RELCH: variants seen among roughly 807,000 people sequenced by gnomAD.
The protein encoded by RELCH is RAB11-binding protein RELCH.
RELCH carries 41 observed loss-of-function variants against 150.3 expected under a neutral mutation model. The ratio of observed to expected loss-of-function variants is 0.27; its 90% CI spans 0.21 to 0.35. The LOEUF (loss-of-function observed/expected upper bound fraction) is 0.35, where lower values mean the gene tolerates loss of function less well. Ranked by LOEUF, RELCH falls within the 10% of genes least tolerant of loss-of-function variation. The pLI is 1.00. For missense variants in RELCH, 1,092 were observed against 1,467.8 expected (o/e 0.74, Z 4.18); for synonymous variants, 478 against 531.8 (o/e 0.90, Z 1.39).
chr18:62,190,115 C>T (rs987313189), intron 1 of RELCH, among the ~76,000 whole-genome samples: 8 of 152,162 alleles, frequency 5.3e-5, no homozygotes, highest in Non-Finnish European at 1.0e-4. Context: ...CTTTTCTGTG[C>T]ATGTGTTTTA....
chr18:62,196,082 A>C (rs1465590260), intron 1 of RELCH, among the ~76,000 whole-genome samples: 2 of 152,134 alleles, frequency 1.3e-5, no homozygotes, highest in African/African-American at 4.8e-5. Context: ...CTTTCTTAGC[A>C]TCGCCAACAC....
At chr18:62,208,314 G>A (rs1299468311) in intron 1 of RELCH, among the ~76,000 whole-genome samples, 1 of 147,294 alleles carries the variant, frequency 6.8e-6, no homozygotes, top group Non-Finnish European at 1.5e-5. Context: ...TTCTTCCATT[G>A]TGTAGATTGT....
At chr18:62,240,408 C>CTTTTTTTTTTTTTTTTT (rs199932427) in intron 10 of RELCH, among the ~76,000 whole-genome samples, 2 of 139,568 alleles carry the variant, frequency 1.4e-5, no homozygotes, top group African/African-American at 2.6e-5. Flanking sequence ...TTTTTTTTTT[C>CTTTTTTTTTTTTTTTTT]TTTTTCTTTT....
intron 2 of RELCH, among the ~76,000 whole-genome samples, chr18:62,214,647 G>C (rs988604368): frequency 1.3e-5 from 2 of 152,060 alleles, no homozygotes; most frequent in African/African-American, 4.8e-5. Context: ...CTAGGTGCAG[G>C]CTGCCATGAC....
At chr18:62,235,748 G>A (rs2041845997) in intron 10 of RELCH, among the ~76,000 whole-genome samples, 1 of 151,862 alleles carries the variant, frequency 6.6e-6, no homozygotes, top group Non-Finnish European at 1.5e-5. Context: ...TTTCAAGAAG[G>A]GAAAGGTTTA....
At chr18:62,248,362 A>T (rs949139796) in intron 11 of RELCH, among the ~76,000 whole-genome samples, 2 of 152,180 alleles carry the variant, frequency 1.3e-5, no homozygotes, top group African/African-American at 4.8e-5. Flanking sequence ...CTCCCTCAAC[A>T]GTTAAATCCC....
At chr18:62,208,071 T>C (rs1320153434) in intron 1 of RELCH, among the ~76,000 whole-genome samples, 1 of 152,192 alleles carries the variant, frequency 6.6e-6, no homozygotes, top group African/African-American at 2.4e-5. Context: ...ACCATCTCTT[T>C]TACTACAACC....
At chr18:62,218,823 A>G (rs1275736792) in intron 2 of RELCH, among the ~76,000 whole-genome samples, 1 of 151,984 alleles carries the variant, frequency 6.6e-6, no homozygotes, top group African/African-American at 2.4e-5. Context: ...AGGAAGGATT[A>G]CAATATTTGA....
intron 27 of RELCH, among the ~76,000 whole-genome samples, chr18:62,298,452 G>T (rs1157763253): frequency 1.3e-5 from 2 of 152,160 alleles, no homozygotes; most frequent in African/African-American, 4.8e-5. Flanking sequence ...AAATATGTGT[G>T]TGACCATAGT....
At chr18:62,191,269 T>G (rs1455012409) in intron 1 of RELCH, among the ~76,000 whole-genome samples, 3 of 152,240 alleles carry the variant, frequency 2.0e-5, no homozygotes, top group Non-Finnish European at 2.9e-5. Context: ...TTGGTATTTT[T>G]GGGCTTTTTA....
At chr18:62,235,103 A>G (rs1220615834) in intron 10 of RELCH, 5 of 152,032 alleles carry the variant, frequency 3.3e-5, no homozygotes, top group Non-Finnish European at 5.9e-5. Flanking sequence ...AACATTTGTT[A>G]TATATATTTA....
At chr18:62,211,335 T>A in intron 2 of RELCH, 93 bp downstream of exon 2, 1 of 755,766 alleles carries the variant, frequency 1.3e-6, no homozygotes, top group Non-Finnish European at 2.3e-6. Flanking sequence ...CAGTTTGGTA[T>A]GTGACTATAA....
intron 19 of RELCH, among the ~76,000 whole-genome samples, chr18:62,267,455 TATAGAATATATATATAGTCTAG>T (rs1344926936): frequency 1.4e-4 from 21 of 148,654 alleles, no homozygotes; most frequent in South Asian, 8.6e-4. Context: ...TGTGTGTGTG[TATAGAATATATATATAGTCTAG>T]GTATATATGT....
chr18:62,242,996 C>G (rs954536474), intron 10 of RELCH, among the ~76,000 whole-genome samples: 2 of 152,036 alleles, frequency 1.3e-5, no homozygotes, highest in Non-Finnish European at 2.9e-5. Context: ...GAAACAAGAT[C>G]TGACATGAAG....
chr18:62,215,970 A>G (rs1310951656), intron 2 of RELCH, among the ~76,000 whole-genome samples: 5 of 152,180 alleles, frequency 3.3e-5, no homozygotes, highest in African/African-American at 9.6e-5. Flanking sequence ...ACATTTTTAT[A>G]TAAAATGATT....
intron 28 of RELCH, among the ~76,000 whole-genome samples, chr18:62,299,138 A>G (rs1054294791): frequency 2.0e-5 from 3 of 152,218 alleles, no homozygotes; most frequent in African/African-American, 7.2e-5. Flanking sequence ...AAAGCTTCCA[A>G]CAAAATTCTT....
At chr18:62,211,081 A>C in intron 1 of RELCH, 72 bp from the exon 2 acceptor site, 1 of 745,724 alleles carries the variant, frequency 1.3e-6, no homozygotes, top group Non-Finnish European at 2.2e-6. Flanking sequence ...GGAAATAATC[A>C]TAAGTATTTG....
In RELCH at chr18:62,208,358, A is replaced by C. The variant is rs74593588; in HGVS notation, c.527-2795A>C. On this transcript the variant is annotated intron_variant, in intron 1 of 28. Transcript: ENST00000644646. Reference sequence around the variant, plus strand: ...TTTCTTCATGGTGACTTTTAAAGCAAAAAAAAAAAAAAAAATTTAATTCTG... The same window carrying C: ...TTTCTTCATGGTGACTTTTAAAGCACAAAAAAAAAAAAAAATTTAATTCTG... Among the ~76,000 whole-genome samples the C allele has an allele frequency of 1.3e-4, 4 of 30,392 alleles. No homozygotes were observed. In the South Asian group the frequency reaches 3.7e-3, roughly 28 times the overall value. The allele number at this position is 30,392 out of a possible 152,430, so 19.9% of individuals were successfully genotyped here.
chr18:62,252,627 C>T, intron 11 of RELCH, 37 bp from the exon 12 acceptor site: 1 of 1,519,714 alleles, frequency 6.6e-7, no homozygotes, highest in Non-Finnish European at 9.1e-7. Flanking sequence ...TGTGCTTTCT[C>T]ATGCAAATAC....
Sources: gnomAD v4.1 joint callset for allele counts (sites outside exome capture counted in the v4.1 genomes callset) on GRCh38, gnomAD v4.1.1 for gene constraint, MANE v1.5 for transcripts, NCBI Gene and HGNC (gene_info 2026-07-23, HGNC 2026-07-21) for gene names.